BAALC: variants seen among roughly 807,000 people sequenced by gnomAD.
The protein encoded by BAALC is BAALC binder of MAP3K1 and KLF4.
A neutral mutation model predicts 15.5 loss-of-function variants in BAALC; 9 were observed. The observed-to-expected ratio is 0.58, with a 90% CI of 0.35 to 1.02. The LOEUF (loss-of-function observed/expected upper bound fraction) is 1.02. Ranked by LOEUF, BAALC falls within the 50% of genes least tolerant of loss-of-function variation. BAALC has a pLI of 0.02. For missense variants in BAALC, 201 were observed against 192.4 expected (o/e 1.04, Z -0.27); for synonymous variants, 80 against 74.6 (o/e 1.07, Z -0.37).
chr8:103,197,330 T>C (rs1812118307), intron 1 of BAALC, among the ~76,000 whole-genome samples: 1 of 151,988 alleles, frequency 6.6e-6, no homozygotes, highest in Non-Finnish European at 1.5e-5. Flanking sequence ...GAGTTTCCTC[T>C]TCTTAAAAAA....
chr8:103,159,401 C>A (rs531552430), intron 1 of BAALC, among the ~76,000 whole-genome samples: 2 of 152,270 alleles, frequency 1.3e-5, no homozygotes, highest in South Asian at 2.1e-4. Flanking sequence ...ACTTGGAATT[C>A]TTTTATAAAG....
At chr8:103,147,419 A>G (rs1810899298) in intron 1 of BAALC, among the ~76,000 whole-genome samples, 2 of 152,214 alleles carry the variant, frequency 1.3e-5, no homozygotes, top group Admixed American at 1.3e-4. Flanking sequence ...ATTGGATTGT[A>G]TGTAACTCAA....
chr8:103,163,475 C>T (rs1811274738), intron 1 of BAALC, among the ~76,000 whole-genome samples: 2 of 152,180 alleles, frequency 1.3e-5, no homozygotes, highest in Non-Finnish European at 2.9e-5. Context: ...CTCACACCTG[C>T]CCACCCTATG....
intron 1 of BAALC, among the ~76,000 whole-genome samples, chr8:103,199,604 G>C (rs1036297050): frequency 6.6e-6 from 1 of 151,040 alleles, no homozygotes; most frequent in Non-Finnish European, 1.5e-5. Flanking sequence ...AATTTTGATT[G>C]GCCAAAATAT....
intron 2 of BAALC, 181 bp downstream of exon 2, chr8:103,213,266 G>C (rs978040376): frequency 1.6e-6 from 1 of 612,140 alleles, no homozygotes; most frequent in East Asian, 2.8e-5. Flanking sequence ...ACCCTGCCTT[G>C]AGGGTTGCTG....
intron 1 of BAALC, among the ~76,000 whole-genome samples, chr8:103,159,764 T>C (rs1811180398): frequency 6.6e-6 from 1 of 152,168 alleles, no homozygotes; most frequent in Admixed American, 6.6e-5. Context: ...AGGCTTATTA[T>C]GTTTTTATAG....
At chr8:103,221,964 A>G (rs535935118) in intron 2 of BAALC, among the ~76,000 whole-genome samples, 1 of 152,328 alleles carries the variant, frequency 6.6e-6, no homozygotes, top group East Asian at 1.9e-4. Flanking sequence ...CATCAGTCAA[A>G]TACATTTAAG....
intron 2 of BAALC, among the ~76,000 whole-genome samples, chr8:103,215,342 G>T (rs1039100372): frequency 1.4e-4 from 21 of 152,184 alleles, no homozygotes; most frequent in Non-Finnish European, 2.9e-5. Context: ...AAGGATATTG[G>T]TAGCTTTAAA....
intron 1 of BAALC, among the ~76,000 whole-genome samples, chr8:103,212,054 A>G (rs1383689898): frequency 1.3e-5 from 2 of 152,130 alleles, no homozygotes; most frequent in South Asian, 2.1e-4. Flanking sequence ...CTCCCTTTTC[A>G]GTGAGGCTAT....
chr8:103,202,224 G>A (rs945252060), intron 1 of BAALC, among the ~76,000 whole-genome samples: 29 of 152,130 alleles, frequency 1.9e-4, no homozygotes, highest in East Asian at 9.6e-4. Flanking sequence ...TTTCCCCAGC[G>A]CCTCAGAATG....
At chr8:103,200,607 G>C in intron 1 of BAALC, 1 of 593,642 alleles carries the variant, frequency 1.7e-6, no homozygotes, top group Admixed American at 2.1e-5. Context: ...GGCTTAGACT[G>C]AAATACCTAT....
At position 103,140,955 on chromosome 8, in the gene BAALC, A is replaced by G; in HGVS notation, c.58A>G (p.Thr20Ala). 6.5e-7 allele frequency: 1 copy of G among 1,541,088 alleles called. No individual in the cohort carries two copies. Reference protein sequence around the residue: ...AIEPRYYESWTRETESTWLTY... With the variant: ...AIEPRYYESWARETESTWLTY... The stretch of plus-strand genomic sequence containing the variant: ...CGAGCCCCGCTACTACGAGAGCTGG[A>G]CCCGGGAGACAGAATCCACCTGGCT... The change falls in exon 1 of 3, where the codon ACC (threonine) becomes GCC (alanine). Residue 20 changes from threonine to alanine, a missense_variant. Thr to Ala is a moderately conservative substitution (Grantham distance 58). Transcript: ENST00000309982. The surrounding 1 kb of genome is among the most constrained non-coding windows in gnomAD (Gnocchi z 4.2).
At chr8:103,162,035 A>C (rs1026428885) in intron 1 of BAALC, among the ~76,000 whole-genome samples, 6 of 152,166 alleles carry the variant, frequency 3.9e-5, no homozygotes, top group Non-Finnish European at 1.5e-5. Context: ...ATCAAGGTTC[A>C]CTGCAGCCTT....
At chr8:103,149,050 G>T (rs1810929178) in intron 1 of BAALC, among the ~76,000 whole-genome samples, 1 of 152,204 alleles carries the variant, frequency 6.6e-6, no homozygotes, top group Admixed American at 6.5e-5. Flanking sequence ...GTGAGATGAA[G>T]AGACTGAGCC....
rs1036488382 is a variant in BAALC, at chr8:103,164,784, C to T, written c.160+23727C>T. Among the ~76,000 whole-genome samples, 7 of 152,316 alleles carry T rather than the reference C, an allele frequency of 4.6e-5. No individual in the cohort carries two copies. The South Asian group carries it at 6.2e-4, about 14-fold the overall frequency. ...CTCCCTAGGCCCTCCCCAAGTGGAA[C>T]GAATCTCTGTTTTCCCCATACGCCT... On this transcript the variant is annotated intron_variant, in intron 1 of 2. Transcript: ENST00000309982.
intron 1 of BAALC, chr8:103,153,415 A>T (rs911366280): frequency 6.6e-6 from 1 of 152,264 alleles, no homozygotes; most frequent in Admixed American, 6.5e-5. Flanking sequence ...TAATATTTTC[A>T]TGTTTCAAGT....
At chr8:103,214,968 T>C (rs1244199371) in intron 2 of BAALC, 2 of 152,272 alleles carry the variant, frequency 1.3e-5, no homozygotes, top group African/African-American at 2.4e-5. Flanking sequence ...CAAGACAGTC[T>C]GGACCCACAG....
At chr8:103,190,169 C>A (rs1811933262) in intron 1 of BAALC, among the ~76,000 whole-genome samples, 1 of 152,166 alleles carries the variant, frequency 6.6e-6, no homozygotes, top group African/African-American at 2.4e-5. Context: ...GGAAGGGGAA[C>A]TGGCTTGAAG....
intron 1 of BAALC, among the ~76,000 whole-genome samples, chr8:103,170,148 T>A (rs1412631397): frequency 6.6e-6 from 1 of 152,120 alleles, no homozygotes; most frequent in Admixed American, 6.5e-5. Context: ...TCCCTTATGT[T>A]TGTTTTAGTG....
Sources: allele counts gnomAD v4.1 joint callset (sites outside exome capture counted in the v4.1 genomes callset), GRCh38; gene constraint gnomAD v4.1.1; non-coding constraint Gnocchi (gnomAD v3.1); transcripts MANE v1.5; gene names NCBI Gene and HGNC (gene_info 2026-07-23, HGNC 2026-07-21).